The following ROBO2 variants were observed in gnomAD, a reference collection of about 807,000 sequenced individuals.
ROBO2 encodes the protein roundabout guidance receptor 2.
In ROBO2, 53 loss-of-function variants were observed where a neutral mutation model predicts 160.8. The ratio of observed to expected loss-of-function variants is 0.33; its 90% confidence interval spans 0.26 to 0.41. ROBO2 has a LOEUF of 0.41. Ranked by LOEUF, ROBO2 falls within the 10% of genes least tolerant of loss-of-function variation. ROBO2 has a pLI of 1.00. For missense variants in ROBO2, 1,577 were observed against 1,722.4 expected, an observed-to-expected ratio of 0.92 and a Z score of 1.49; for synonymous variants, 664 against 611.7, an observed-to-expected ratio of 1.09 and a Z score of -1.26.
intron 14 of ROBO2, among the ~76,000 whole-genome samples, chr3:77,577,270 T>C (rs1261148241): frequency 6.6e-6 from 1 of 152,126 alleles, no homozygotes; most frequent in Admixed American, 6.6e-5. Context: ...AAATTTATTA[T>C]TGAGAGCATA....
chr3:77,334,277 C>T (rs1157087720), intron 2 of ROBO2, among the ~76,000 whole-genome samples: 3 of 152,068 alleles, frequency 2.0e-5, no homozygotes, highest in East Asian at 1.9e-4. Context: ...ATACATCAGT[C>T]GTGTAAATCT....
chr3:76,022,320 G>A (rs932583502), intron 2 of ROBO2, among the ~76,000 whole-genome samples: 1 of 151,572 alleles, frequency 6.6e-6, no homozygotes, highest in Non-Finnish European at 1.5e-5. Flanking sequence ...TTGATATTTT[G>A]GACTCCTCCC....
chr3:77,256,118 T>C (rs2058394515), intron 2 of ROBO2, among the ~76,000 whole-genome samples: 1 of 152,220 alleles, frequency 6.6e-6, no homozygotes, highest in South Asian at 2.1e-4. Flanking sequence ...GAATTTTGTC[T>C]GCAGGTTATT....
rs564987717 is a variant in ROBO2 at position 77,496,483 on chromosome 3, C to T, written c.806+3101C>T. 5.9e-5 allele frequency among the ~76,000 whole-genome samples: 9 copies of T among 152,218 alleles called. No individual in the cohort carries two copies. In the East Asian group the frequency reaches 1.5e-3, roughly 26 times the overall value. ...ATAACAGTAATAACTTTTAGCCAACCGTAGACTAAATCAACAACATTGATT... is the reference window on the plus strand; with the variant it reads ...ATAACAGTAATAACTTTTAGCCAACTGTAGACTAAATCAACAACATTGATT... On this transcript the variant is annotated intron_variant, in intron 5 of 25. Transcript: ENST00000461745.
chr3:76,803,601 T>C lies in ROBO2; in HGVS notation c.110-294413T>C, dbSNP rs567554526. 1.2e-4 allele frequency among the ~76,000 whole-genome samples: 19 copies of C among 152,192 alleles called. No homozygotes were observed. In the East Asian group the frequency reaches 3.1e-3, roughly 25 times the overall value. On this transcript the variant is annotated intron_variant, in intron 2 of 26. Transcript: ENST00000487694. The stretch of plus-strand genomic sequence containing the variant: ...ACAGACGTACACACATACAAACTTA[T>C]CTTTCTCTACTTTTCTCAAACTATT...
chr3:77,311,808 C>A (rs948934521), intron 2 of ROBO2, among the ~76,000 whole-genome samples: 2 of 152,084 alleles, frequency 1.3e-5, no homozygotes, highest in Non-Finnish European at 2.9e-5. Context: ...GACTCAGGGC[C>A]GGGCGCAGTG....
chr3:77,169,841 G>T (rs577591275), intron 2 of ROBO2, among the ~76,000 whole-genome samples: 1 of 152,064 alleles, frequency 6.6e-6, no homozygotes, highest in Non-Finnish European at 1.5e-5. Context: ...AACAGACACC[G>T]TTCCCCACCA....
intron 2 of ROBO2, among the ~76,000 whole-genome samples, chr3:76,731,183 A>G (rs1285214015): frequency 6.6e-6 from 1 of 152,244 alleles, no homozygotes. Context: ...AATTATATGT[A>G]TGTCTATTTT....
At chr3:76,506,480 A>T (rs927890502) in intron 2 of ROBO2, among the ~76,000 whole-genome samples, 4 of 152,032 alleles carry the variant, frequency 2.6e-5, no homozygotes, top group Non-Finnish European at 5.9e-5. Flanking sequence ...TTTTGTTCTC[A>T]AGTAACCAAA....
At chr3:77,457,898 T>C (rs1341368619) in intron 2 of ROBO2, among the ~76,000 whole-genome samples, 4 of 152,130 alleles carry the variant, frequency 2.6e-5, no homozygotes, top group Non-Finnish European at 4.4e-5. Context: ...AACCTAGTTA[T>C]ATGTTTATAT....
chr3:77,432,380 A>G (rs1283547240), intron 2 of ROBO2, among the ~76,000 whole-genome samples: 1 of 152,106 alleles, frequency 6.6e-6, no homozygotes, highest in Admixed American at 6.5e-5. Context: ...ATTGTTCGCA[A>G]TGGGGCATAT....
In ROBO2 at chr3:77,216,277, G is replaced by A. The variant is rs183560530; in HGVS notation, c.388+117937G>A. 7.3e-3 allele frequency among the ~76,000 whole-genome samples: 1,104 copies of A among 152,210 alleles called. 12 individuals carry two copies. The highest frequency in any genetic ancestry group is 0.024 in the African/African-American group (997 of 41,532). On this transcript the variant is annotated intron_variant, in intron 2 of 25. Transcript: ENST00000461745. The stretch of plus-strand genomic sequence containing the variant: ...TACCTACTCAAGCCTCGGCAATGGC[G>A]GGCGCCCCTCCCCCAGCCTCACTGC...
chr3:76,715,431 A>T (rs1576189121), intron 2 of ROBO2, among the ~76,000 whole-genome samples: 1 of 152,340 alleles, frequency 6.6e-6, no homozygotes, highest in East Asian at 1.9e-4. Flanking sequence ...AAAATCTTAA[A>T]GGCTGGCCTT....
At chr3:76,880,813 A>T (rs1310595796) in intron 2 of ROBO2, among the ~76,000 whole-genome samples, 1 of 152,206 alleles carries the variant, frequency 6.6e-6, no homozygotes, top group Non-Finnish European at 1.5e-5. Context: ...CACAGATCAA[A>T]CTAATAGGCA....
intron 5 of ROBO2, among the ~76,000 whole-genome samples, chr3:77,514,942 T>C (rs897797251): frequency 1.3e-5 from 2 of 151,694 alleles, no homozygotes; most frequent in Non-Finnish European, 2.9e-5. Context: ...TGGTAGTAGA[T>C]AGTCACAAGA....
rs1056046758 is a variant in ROBO2, at chr3:76,216,884, C to T, written c.109+279282C>T. On this transcript the variant is annotated intron_variant, in intron 2 of 26. Transcript: ENST00000487694. Reference sequence around the variant, plus strand: ...TCTTTTCAGCACCACACCACACCTACTCCAAAACTGACCACATAGTTGGAA... The same window carrying T: ...TCTTTTCAGCACCACACCACACCTATTCCAAAACTGACCACATAGTTGGAA... Among the ~76,000 whole-genome samples, 694 of 152,244 alleles carry T rather than the reference C, an allele frequency of 4.6e-3. 4 individuals carry two copies. The highest frequency in any genetic ancestry group is 7.9e-3 in the Non-Finnish European group (535 of 68,014).
At chr3:76,877,483 A>G (rs1048837091) in intron 2 of ROBO2, among the ~76,000 whole-genome samples, 5 of 152,232 alleles carry the variant, frequency 3.3e-5, no homozygotes, top group African/African-American at 1.2e-4. Context: ...TATGAGAAAC[A>G]TGATCAATAC....
At chr3:77,548,499 C>T (rs765506626) in intron 7 of ROBO2, among the ~76,000 whole-genome samples, 8 of 151,950 alleles carry the variant, frequency 5.3e-5, no homozygotes, top group Admixed American at 1.3e-4. Context: ...AAATCACATT[C>T]CCTAAAGTAG....
chr3:77,588,898 G>A, exon 17 of ROBO2: 2 of 1,613,340 alleles, frequency 1.2e-6, no homozygotes, highest in Non-Finnish European at 1.7e-6. Flanking sequence ...TTGTATTGGC[G>A]AAGAAAGAAG....
Sources: gnomAD v4.1 joint callset for allele counts (sites outside exome capture counted in the v4.1 genomes callset) on GRCh38, gnomAD v4.1.1 for gene constraint, MANE v1.5 for transcripts, NCBI Gene and HGNC (gene_info 2026-07-23, HGNC 2026-07-21) for gene names.